Variants in TTC31 observed in about 807,000 individuals in gnomAD.
The protein encoded by TTC31 is tetratricopeptide repeat domain 31.
TTC31 carries 59 observed loss-of-function variants against 60.4 expected under a neutral mutation model. The observed-to-expected ratio is 0.98, with a 90% CI of 0.79 to 1.21. TTC31 has a LOEUF of 1.21. TTC31 is among the 50% of genes most tolerant of loss of function. TTC31 has a pLI of 0.00. For missense variants in TTC31, 672 were observed against 646.9 expected (o/e 1.04, Z -0.42); for synonymous variants, 225 against 249.6 (o/e 0.90, Z 0.93).
Position 74,488,350 on chromosome 2 carries a change from C to T in TTC31, c.130-1675C>T, listed in dbSNP as rs202191073. 2.2e-4 allele frequency among the ~76,000 whole-genome samples: 34 copies of T among 152,064 alleles called. No individual in the cohort carries two copies. In the East Asian group the frequency reaches 5.4e-3, roughly 24 times the overall value. The stretch of plus-strand genomic sequence containing the variant: ...CCTGCCTACAGATTTTTTTTTAGCA[C>T]GCTGGAGTTTCTAAGTTTGTGGCTT... On this transcript the variant is annotated intron_variant, in intron 2 of 12. Coordinates refer to ENST00000233623, the MANE Select transcript of TTC31 (RefSeq NM_022492.6).
At chr2:74,488,253 G>C (rs1673374288) in intron 2 of TTC31, among the ~76,000 whole-genome samples, 1 of 152,174 alleles carries the variant, frequency 6.6e-6, no homozygotes. Flanking sequence ...TGTTAAGCCA[G>C]GACTATCTTC....
chr2:74,486,089 A>C lies in TTC31; in HGVS notation c.129+2679A>C, dbSNP rs1673078369. 4.6e-5 allele frequency among the ~76,000 whole-genome samples: 7 copies of C among 151,938 alleles called. No individual in the cohort carries two copies. The South Asian group carries it at 1.5e-3, about 32-fold the overall frequency. On this transcript the variant is annotated intron_variant, in intron 2 of 12. Coordinates refer to ENST00000233623, the MANE Select transcript of TTC31 (RefSeq NM_022492.6). ...GAGACCATCCTGGCCAACATGGTGA[A>C]ACACCGTCTCTACTAAAATACAAAA...
At chr2:74,484,320 C>T (rs770631603) in intron 2 of TTC31, among the ~76,000 whole-genome samples, 3 of 152,030 alleles carry the variant, frequency 2.0e-5, no homozygotes, top group African/African-American at 4.8e-5. Context: ...GTTGAGAGAA[C>T]TTTACCAAAG....
chr2:74,490,300 G>C lies in TTC31; in HGVS notation c.289G>C (p.Gly97Arg). 6.2e-7 allele frequency: 1 copy of C among 1,614,108 alleles called. No homozygotes were observed. The highest frequency in any genetic ancestry group is 8.5e-7 in the Non-Finnish European group (1 of 1,180,004). Residue 97 changes from glycine to arginine, a missense_variant, in exon 4 of 13, where the codon GGC becomes CGC. Coordinates refer to ENST00000233623, the MANE Select transcript of TTC31 (RefSeq NM_022492.6). ...GAAATCAACTGGACAGAGTGACAGG[G>C]GCAAGGGGGCTGAGGGACTGGGCAC... is the stretch of plus-strand genomic sequence containing the variant. ...EGKSTGQSDR[G>R]KGAEGLGTYC...
At chr2:74,483,699 G>A in intron 2 of TTC31, 1 of 1,061,394 alleles carries the variant, frequency 9.4e-7, no homozygotes, top group African/African-American at 1.6e-5. Context: ...GATGGAGGCC[G>A]GGCGCGGTGG....
intron 2 of TTC31, among the ~76,000 whole-genome samples, chr2:74,485,969 A>C (rs1673059083): frequency 6.6e-6 from 1 of 151,928 alleles, no homozygotes. Flanking sequence ...CACTGACAAG[A>C]TAAAGTCTAC....
chr2:74,491,265 C>T (rs1254755985), intron 6 of TTC31, 30 bp from the exon 7 acceptor site: 2 of 1,614,080 alleles, frequency 1.2e-6, no homozygotes, highest in South Asian at 2.2e-5. Flanking sequence ...AAGGTGATCC[C>T]AACTCTGTAC....
At chr2:74,491,754 T>C (rs771220768) in intron 8 of TTC31, 82 bp downstream of exon 8, 48 of 1,528,060 alleles carry the variant, frequency 3.1e-5, no homozygotes, top group Admixed American at 3.9e-5. Flanking sequence ...GGTCTAAGGA[T>C]TGACACAGGG....
At chr2:74,486,515 G>A (rs533047140) in intron 2 of TTC31, among the ~76,000 whole-genome samples, 81 of 152,318 alleles carry the variant, frequency 5.3e-4, no homozygotes, top group Non-Finnish European at 1.1e-3. Context: ...AAACAACATA[G>A]TATGTCAAAC....
At position 74,491,106 on chromosome 2, in the gene TTC31, ATT is replaced by A; in HGVS notation, c.547-21_547-20del. ...ATACAGTAAGTGTTCAAAATACATC[ATT>A]GTTACCATTACTATTGCAGCGTCAA... On this transcript the variant is annotated intron_variant, in intron 5 of 12. Coordinates refer to ENST00000233623, the MANE Select transcript of TTC31 (RefSeq NM_022492.6). The A allele has an allele frequency of 1.2e-6, 2 of 1,614,086 alleles. No individual in the cohort carries two copies. Among genetic ancestry groups the A allele is most frequent in the Non-Finnish European group, 1.7e-6 (2 of 1,179,946 alleles).
Position 74,491,348 on chromosome 2 carries a change from A to G in TTC31, c.657A>G (p.Pro219=). Residue 219 remains proline, a synonymous_variant, in exon 7 of 13, where the codon CCA becomes CCG. Coordinates refer to ENST00000233623, the MANE Select transcript of TTC31 (RefSeq NM_022492.6). ...DESPPSSPGN[P]VQGQCGEEED... ...GCCCCCCATCCAGCCCTGGAAACCC[A>G]GTTCAGGGACAGTGTGGTGAAGAAG... is the stretch of plus-strand genomic sequence containing the variant. 1 of 1,614,160 alleles carries G rather than the reference A, an allele frequency of 6.2e-7. No homozygotes were observed. The highest frequency in any genetic ancestry group is 8.5e-7 in the Non-Finnish European group (1 of 1,180,012).
At chr2:74,484,890 A>G (rs961886743) in intron 2 of TTC31, among the ~76,000 whole-genome samples, 10 of 152,142 alleles carry the variant, frequency 6.6e-5, no homozygotes, top group African/African-American at 2.2e-4. Flanking sequence ...ATGTTTGTAA[A>G]TTGGTTGCTT....
Position 74,491,325 on chromosome 2 carries a change from C to T in TTC31, c.634C>T (p.Pro212Ser), listed in dbSNP as rs190752560. ...CACTACCTCAGATGGAGATGAGAGC[C>T]CCCCATCCAGCCCTGGAAACCCAGT... is the stretch of plus-strand genomic sequence containing the variant. ...ASTTSDGDES[P>S]PSSPGNPVQG... Residue 212 changes from proline to serine, a missense_variant, in exon 7 of 13, where the codon CCC (proline) becomes TCC (serine). Coordinates refer to ENST00000233623, the MANE Select transcript of TTC31 (RefSeq NM_022492.6). 40 of 1,614,172 alleles carry T rather than the reference C, an allele frequency of 2.5e-5. No homozygotes were observed. In the African/African-American group the frequency reaches 4.3e-4, roughly 17 times the overall value.
At position 74,490,341 on chromosome 2, in the gene TTC31, C is replaced by T; in HGVS notation, c.330C>T (p.Arg110=). 6.8e-6 allele frequency: 11 copies of T among 1,614,124 alleles called. No homozygotes were observed. Among genetic ancestry groups the T allele is most frequent in the Non-Finnish European group, 8.5e-6 (10 of 1,179,992 alleles). ...GACTGGGCACCTACTGTGGTCTCCG[C>T]AAGTCCTTCCTGTATCCTCCCCAAG... is the stretch of plus-strand genomic sequence containing the variant. ...AEGLGTYCGL[R]KSFLYPPQES... Residue 110 remains arginine (R), a synonymous_variant, in exon 4 of 13, where the codon CGC becomes CGT. Coordinates refer to ENST00000233623, the MANE Select transcript of TTC31 (RefSeq NM_022492.6).
In TTC31 at chr2:74,483,430, T is replaced by G; in HGVS notation, c.129+20T>G. On this transcript the variant is annotated intron_variant, in intron 2 of 12. Transcript: ENST00000233623. ...GAAGAGGTAAAAGCGACCCTCAGTT[T>G]CCCCCAGTCCTGCTCATTTTGGTCA... The G allele has an allele frequency of 1.2e-6, 2 of 1,614,072 alleles. No homozygotes were observed. The highest frequency in any genetic ancestry group is 8.5e-7 in the Non-Finnish European group (1 of 1,179,994).
intron 2 of TTC31, among the ~76,000 whole-genome samples, chr2:74,489,319 G>A (rs1273833508): frequency 6.6e-6 from 1 of 152,222 alleles, no homozygotes; most frequent in Non-Finnish European, 1.5e-5. Context: ...AAGCTCAAGA[G>A]TTAGGAGGGA....
Position 74,492,245 on chromosome 2 carries a change from G to C in TTC31, c.1019+16G>C. ...AGGACCACCGGTAGGTGGGGGCTTG[G>C]CCAGGGCAGGGCAGAGTGTTGAGGA... On this transcript the variant is annotated intron_variant, in intron 10 of 12. Coordinates refer to ENST00000233623, the MANE Select transcript of TTC31 (RefSeq NM_022492.6). 1 of 1,614,194 alleles carries C rather than the reference G, an allele frequency of 6.2e-7. No individual in the cohort carries two copies. Among genetic ancestry groups the C allele is most frequent in the Middle Eastern group, 1.6e-4 (1 of 6,062 alleles).
rs1294355214 is a variant in TTC31 at position 74,492,242 on chromosome 2, T to A, written c.1019+13T>A. The A allele has an allele frequency of 1.2e-6, 2 of 1,614,244 alleles. No homozygotes were observed. Among genetic ancestry groups the A allele is most frequent in the Non-Finnish European group, 1.7e-6 (2 of 1,180,036 alleles). On this transcript the variant is annotated intron_variant, in intron 10 of 12. Coordinates refer to ENST00000233623, the MANE Select transcript of TTC31 (RefSeq NM_022492.6). ...CCCAGGACCACCGGTAGGTGGGGGC[T>A]TGGCCAGGGCAGGGCAGAGTGTTGA...
chr2:74,483,716 C>A, intron 2 of TTC31: 2 of 836,290 alleles, frequency 2.4e-6, no homozygotes, highest in Non-Finnish European at 3.3e-6. Flanking sequence ...GTGGCTTGTG[C>A]CTGTAATCTC....
Sources: gnomAD v4.1 joint callset for allele counts (sites outside exome capture counted in the v4.1 genomes callset) on GRCh38, gnomAD v4.1.1 for gene constraint, MANE v1.5 for transcripts, NCBI Gene and HGNC (gene_info 2026-07-23, HGNC 2026-07-21) for gene names.